Variants in FBXW7 observed in about 807,000 individuals in gnomAD.
The protein encoded by FBXW7 is F-box and WD repeat domain containing 7.
A neutral mutation model predicts 86.3 loss-of-function variants in FBXW7; 11 were observed. The ratio of observed to expected loss-of-function variants is 0.13; its 90% CI spans 0.08 to 0.21. FBXW7 has a LOEUF of 0.21. FBXW7 is among the 10% of genes least tolerant of loss of function. FBXW7 has a pLI of 1.00. For missense variants in FBXW7, 488 were observed against 847.4 expected (o/e 0.58, Z 5.27); for synonymous variants, 313 against 297.9 (o/e 1.05, Z -0.52).
intron 4 of FBXW7, among the ~76,000 whole-genome samples, chr4:152,394,000 T>C (rs1271504939): frequency 6.6e-6 from 1 of 152,130 alleles, no homozygotes; most frequent in Non-Finnish European, 1.5e-5. Context: ...ATATGCAAGA[T>C]GCTACCCTGA....
chr4:152,341,586 T>C (rs751386384), intron 6 of FBXW7, among the ~76,000 whole-genome samples: 1 of 152,208 alleles, frequency 6.6e-6, no homozygotes, highest in Non-Finnish European at 1.5e-5. Context: ...AATAAATAAA[T>C]GAATCCCAAA....
intron 6 of FBXW7, among the ~76,000 whole-genome samples, chr4:152,341,809 A>G (rs939737486): frequency 3.3e-5 from 5 of 152,216 alleles, no homozygotes; most frequent in East Asian, 3.9e-4. Context: ...CTACGTGTGT[A>G]TGTGTGTGTG....
At chr4:152,353,520 C>T (rs1732062218) in intron 4 of FBXW7, among the ~76,000 whole-genome samples, 1 of 152,080 alleles carries the variant, frequency 6.6e-6, no homozygotes, top group Non-Finnish European at 1.5e-5. Context: ...GATTAACAAA[C>T]TAGTACTACC....
chr4:152,335,079 G>A, intron 7 of FBXW7, among the ~76,000 whole-genome samples: 1 of 152,142 alleles, frequency 6.6e-6, no homozygotes, highest in Non-Finnish European at 1.5e-5. Context: ...CGTATTATGA[G>A]GAGGAAGTAT....
At chr4:152,490,768 A>T (rs1745768859) in intron 2 of FBXW7, among the ~76,000 whole-genome samples, 3 of 152,202 alleles carry the variant, frequency 2.0e-5, no homozygotes. Flanking sequence ...CAACATGTTT[A>T]ATGGTATAAT....
intron 2 of FBXW7, among the ~76,000 whole-genome samples, chr4:152,458,211 G>A (rs952876817): frequency 2.6e-5 from 4 of 152,084 alleles, no homozygotes; most frequent in African/African-American, 9.7e-5. Flanking sequence ...GTAGAGATGG[G>A]GTTTCACCAT....
intron 4 of FBXW7, among the ~76,000 whole-genome samples, chr4:152,373,094 T>C (rs1734146688): frequency 6.6e-6 from 1 of 152,004 alleles, no homozygotes; most frequent in Non-Finnish European, 1.5e-5. Flanking sequence ...GTTCAACAAA[T>C]GCCTACTCCA....
chr4:152,400,898 C>A (rs889680617), intron 4 of FBXW7, among the ~76,000 whole-genome samples: 5 of 152,198 alleles, frequency 3.3e-5, no homozygotes, highest in African/African-American at 1.2e-4. Context: ...TGGACAGACA[C>A]CTCACCAAAG....
At chr4:152,415,884 C>T (rs934116005) in intron 2 of FBXW7, among the ~76,000 whole-genome samples, 1 of 152,116 alleles carries the variant, frequency 6.6e-6, no homozygotes, top group Non-Finnish European at 1.5e-5. Flanking sequence ...CAAATGTCCC[C>T]TATTCAATGA....
At chr4:152,356,401 T>C (rs1294320753) in intron 4 of FBXW7, among the ~76,000 whole-genome samples, 1 of 115,022 alleles carries the variant, frequency 8.7e-6, no homozygotes, top group East Asian at 2.4e-4. Context: ...ATACTATGAA[T>C]ACTATTAGTT....
At chr4:152,325,332 GTAAA>G (rs1321904289) in intron 12 of FBXW7, 1 of 152,054 alleles carries the variant, frequency 6.6e-6, no homozygotes, top group East Asian at 1.9e-4. Flanking sequence ...GTAATAACTG[GTAAA>G]TAAACTATAT....
chr4:152,403,719 C>G (rs1737153029), intron 4 of FBXW7, among the ~76,000 whole-genome samples: 1 of 152,106 alleles, frequency 6.6e-6, no homozygotes, highest in South Asian at 2.1e-4. Flanking sequence ...AATGCCACAG[C>G]TGATCTGACA....
intron 4 of FBXW7, chr4:152,382,048 T>C (rs1735124341): frequency 2.1e-6 from 1 of 468,248 alleles, no homozygotes; most frequent in Non-Finnish European, 3.7e-6. Flanking sequence ...CTATCACTTA[T>C]ATAAGTGTTT....
chr4:152,345,730 A>C (rs989092315), intron 6 of FBXW7, among the ~76,000 whole-genome samples: 8 of 152,208 alleles, frequency 5.3e-5, no homozygotes, highest in East Asian at 3.8e-4. Flanking sequence ...AAAACCATTT[A>C]AAAGCAATAC....
In FBXW7 at chr4:152,514,717, C is replaced by G. The variant is rs375034517; in HGVS notation, c.-120+20224G>C. Among the ~76,000 whole-genome samples the G allele has an allele frequency of 9.2e-4, 140 of 152,296 alleles. No homozygotes were observed. The East Asian group carries it at 0.013, about 14-fold the overall frequency. ...GCCTCACCATGTGATACCTGCTCCC[C>G]TTCACTCTCTGCCATGAGTGGAAGC... is the stretch of plus-strand genomic sequence containing the variant. On this transcript the variant is annotated intron_variant, in intron 2 of 13. Coordinates refer to ENST00000281708, the MANE Select transcript of FBXW7 (RefSeq NM_001349798.2).
At chr4:152,530,079 A>G (rs921934763) in intron 2 of FBXW7, among the ~76,000 whole-genome samples, 10 of 144,436 alleles carry the variant, frequency 6.9e-5, no homozygotes, top group African/African-American at 2.7e-4. Context: ...ATACACACAC[A>G]CACACACACA....
chr4:152,392,043 A>G (rs900295190), intron 4 of FBXW7, among the ~76,000 whole-genome samples: 2 of 152,190 alleles, frequency 1.3e-5, no homozygotes, highest in Non-Finnish European at 2.9e-5. Context: ...GAATGTTTTA[A>G]TGTGCCTGAT....
chr4:152,372,176 T>C (rs1173783831), intron 4 of FBXW7, among the ~76,000 whole-genome samples: 1 of 151,986 alleles, frequency 6.6e-6, no homozygotes, highest in Admixed American at 6.6e-5. Flanking sequence ...TAATAGCCTA[T>C]AATTAGGTTA....
At position 152,535,791 on chromosome 4, in the gene FBXW7, GC is replaced by G; in HGVS notation, c.-878del. 2.5e-6 allele frequency: 1 copy of G among 393,742 alleles called. No individual in the cohort carries two copies. Among genetic ancestry groups the G allele is most frequent in the Non-Finnish European group, 4.5e-6 (1 of 223,262 alleles). The allele number at this position is 393,742 out of a possible 1,614,324, so 24.4% of individuals were successfully genotyped here. On this transcript the variant is annotated 5_prime_UTR_variant, in exon 1 of 14. Coordinates refer to ENST00000281708, the MANE Select transcript of FBXW7 (RefSeq NM_001349798.2). ...CCCGGCCCGTGGTAGCCGCCTCCCT[GC>G]CCCCCAAGCCGCCGGCTCCGGCTCA...
Sources: allele counts gnomAD v4.1 joint callset (sites outside exome capture counted in the v4.1 genomes callset), GRCh38; gene constraint gnomAD v4.1.1; transcripts MANE v1.5; gene names NCBI Gene and HGNC (gene_info 2026-07-23, HGNC 2026-07-21).